Variants in THSD7A observed in about 807,000 individuals in gnomAD.
THSD7A encodes the protein thrombospondin type-1 domain-containing protein 7A.
Under a neutral mutation model 231.3 loss-of-function variants are expected in THSD7A, and 96 were observed. That is an observed-to-expected ratio of 0.41 (90% CI 0.35 to 0.49). THSD7A has a LOEUF of 0.49. Among genes scored for constraint, THSD7A ranks in the 20% least tolerant of loss-of-function variants. The pLI, the probability that THSD7A is intolerant of heterozygous loss-of-function variation, is 0.05. For synonymous variants in THSD7A, 940 were observed against 743.3 expected (o/e 1.26, Z -4.30); for missense variants, 2,290 against 2,070.2 (o/e 1.11, Z -2.06).
chr7:11,540,526 C>A (rs897189142), intron 6 of THSD7A, among the ~76,000 whole-genome samples: 3 of 152,230 alleles, frequency 2.0e-5, no homozygotes, highest in Non-Finnish European at 4.4e-5. Flanking sequence ...AAACTGTCAA[C>A]TGTTGGACCC....
At chr7:11,488,314 A>G (rs1786746867) in intron 6 of THSD7A, among the ~76,000 whole-genome samples, 1 of 152,114 alleles carries the variant, frequency 6.6e-6, no homozygotes, top group Non-Finnish European at 1.5e-5. Context: ...AAGTTTACAA[A>G]AGAATTAAAG....
intron 6 of THSD7A, among the ~76,000 whole-genome samples, chr7:11,496,069 A>G (rs1312207705): frequency 1.3e-5 from 2 of 152,178 alleles, no homozygotes; most frequent in African/African-American, 4.8e-5. Flanking sequence ...ATATGTGACT[A>G]TAATGTTCCT....
chr7:11,503,968 C>T (rs1266645922), intron 6 of THSD7A, among the ~76,000 whole-genome samples: 1 of 152,088 alleles, frequency 6.6e-6, no homozygotes, highest in Non-Finnish European at 1.5e-5. Context: ...AGTATACACA[C>T]TGAGGGATAT....
intron 1 of THSD7A, among the ~76,000 whole-genome samples, chr7:11,694,735 A>G (rs1780336442): frequency 6.7e-6 from 1 of 150,220 alleles, no homozygotes; most frequent in African/African-American, 2.4e-5. Flanking sequence ...TGATACTTGA[A>G]TTAAAATATG....
intron 1 of THSD7A, among the ~76,000 whole-genome samples, chr7:11,684,993 C>T (rs1472814669): frequency 1.3e-5 from 2 of 151,894 alleles, no homozygotes; most frequent in African/African-American, 4.8e-5. Flanking sequence ...CTATAAGTAA[C>T]CAAAACTGCA....
chr7:11,407,454 A>C, intron 19 of THSD7A, 31 bp from the exon 20 acceptor site: 1 of 1,541,736 alleles, frequency 6.5e-7, no homozygotes, highest in Middle Eastern at 1.7e-4. Context: ...CAGGATGTAT[A>C]TTGTAAATTG....
chr7:11,415,094 CTG>C (rs1231493687), intron 17 of THSD7A, among the ~76,000 whole-genome samples: 2 of 152,240 alleles, frequency 1.3e-5, no homozygotes, highest in Non-Finnish European at 2.9e-5. Flanking sequence ...TGTAAAAAGA[CTG>C]TAACCTACTC....
rs763977513 is a variant in THSD7A at position 11,406,269 on chromosome 7, C to G, written c.4237+31G>C. On this transcript the variant is annotated intron_variant, in intron 22 of 27. Transcript: ENST00000423059. This position sits in a 1 kb window ranked among gnomAD's most constrained non-coding sequence, Gnocchi z 4.7. ...GGCCCTTGTCCTAGGAAAAAATAAT[C>G]AGAATATGAATTCTCCTTTGCCGTT... is the stretch of plus-strand genomic sequence containing the variant. 10 of 1,563,960 alleles carry G rather than the reference C, an allele frequency of 6.4e-6. No individual in the cohort carries two copies. Among genetic ancestry groups the G allele is most frequent in the Non-Finnish European group, 8.6e-6 (10 of 1,157,276 alleles).
chr7:11,406,895 C>G lies in THSD7A; in HGVS notation c.4062+15G>C. 6.2e-7 allele frequency: 1 copy of G among 1,613,476 alleles called. No individual in the cohort carries two copies. Among genetic ancestry groups the G allele is most frequent in the Non-Finnish European group, 8.5e-7 (1 of 1,179,702 alleles). ...TAGAGTACACACTTCCTGACAACTT[C>G]TTGAGATTTGATACCTGCACTTGGC... On this transcript the variant is annotated intron_variant, in intron 21 of 27. Coordinates refer to ENST00000423059, the MANE Select transcript of THSD7A (RefSeq NM_015204.3). The surrounding 1 kb of genome is among the most constrained non-coding windows in gnomAD (Gnocchi z 4.7).
At chr7:11,603,179 A>G (rs1481864731) in intron 2 of THSD7A, among the ~76,000 whole-genome samples, 1 of 152,034 alleles carries the variant, frequency 6.6e-6, no homozygotes, top group Non-Finnish European at 1.5e-5. Context: ...ACAAATTTAC[A>G]AGAAAAAAAC....
intron 6 of THSD7A, among the ~76,000 whole-genome samples, chr7:11,525,335 C>A (rs1450872005): frequency 6.6e-6 from 1 of 152,010 alleles, no homozygotes. Flanking sequence ...TATATAAATA[C>A]CATAATGTTC....
intron 1 of THSD7A, among the ~76,000 whole-genome samples, chr7:11,689,531 G>GT (rs1780166821): frequency 6.6e-6 from 1 of 151,430 alleles, no homozygotes; most frequent in Non-Finnish European, 1.5e-5. Context: ...AGAAGCCCAC[G>GT]TTTTTTTCTT....
At position 11,514,921 on chromosome 7, in the gene THSD7A, G is replaced by A. The variant is rs1787966847; in HGVS notation, c.1822+26498C>T. On this transcript the variant is annotated intron_variant, in intron 6 of 27. Transcript: ENST00000423059. ...TAGGGGTGCTCCACCTTCAGTGACA[G>A]TGCCTTCTGTTACTCCATTTCTAAC... 5.3e-5 allele frequency among the ~76,000 whole-genome samples: 8 copies of A among 152,242 alleles called. No homozygotes were observed. The South Asian group carries it at 1.7e-3, about 32-fold the overall frequency.
chr7:11,737,789 G>A (rs1781967896), intron 1 of THSD7A, among the ~76,000 whole-genome samples: 1 of 151,958 alleles, frequency 6.6e-6, no homozygotes, highest in African/African-American at 2.4e-5. Context: ...TAAGAGCAGA[G>A]GGTGACTCCA....
chr7:11,485,831 A>G (rs17556469), intron 6 of THSD7A, among the ~76,000 whole-genome samples: 20,455 of 152,270 alleles, frequency 0.13, 1,535 homozygotes, highest in Middle Eastern at 0.19. Context: ...AAATACAAAG[A>G]CATGCATTGT....
intron 1 of THSD7A, among the ~76,000 whole-genome samples, chr7:11,655,778 G>A (rs1782680350): frequency 3.3e-5 from 5 of 151,820 alleles, no homozygotes; most frequent in African/African-American, 1.2e-4. Context: ...ACTCTGCTAA[G>A]TCATCTCACA....
At chr7:11,631,634 C>T (rs1781658138) in intron 2 of THSD7A, among the ~76,000 whole-genome samples, 1 of 151,952 alleles carries the variant, frequency 6.6e-6, no homozygotes, top group Non-Finnish European at 1.5e-5. Flanking sequence ...TTCAAAGTTA[C>T]TTTTCTGTAA....
intron 6 of THSD7A, among the ~76,000 whole-genome samples, chr7:11,488,511 A>G (rs1025586370): frequency 6.6e-6 from 1 of 152,088 alleles, no homozygotes; most frequent in Admixed American, 6.6e-5. Flanking sequence ...ATGAAGCTAC[A>G]TATTGCTTCA....
intron 1 of THSD7A, among the ~76,000 whole-genome samples, chr7:11,651,484 CAACT>C (rs1471786956): frequency 6.1e-5 from 7 of 114,748 alleles, no homozygotes; most frequent in Admixed American, 4.0e-4. Context: ...ATCTATCTAT[CAACT>C]ATCTATCTAT....
Sources: gnomAD v4.1 joint callset for allele counts (sites outside exome capture counted in the v4.1 genomes callset) on GRCh38, gnomAD v4.1.1 for gene constraint, Gnocchi (gnomAD v3.1) non-coding constraint, MANE v1.5 for transcripts, NCBI Gene and HGNC (gene_info 2026-07-23, HGNC 2026-07-21) for gene names.